The following CTNNA3 variants were observed in gnomAD, a reference collection of about 807,000 sequenced individuals.
The protein encoded by CTNNA3 is catenin alpha-3.
In CTNNA3, 76 loss-of-function variants were observed where a neutral mutation model predicts 95.7. That is an observed-to-expected ratio of 0.79 (90% confidence interval 0.66 to 0.96). CTNNA3 has a LOEUF of 0.96. CTNNA3 is among the 40% of genes least tolerant of loss of function. CTNNA3 has a pLI of 0.00. For synonymous variants in CTNNA3, 431 were observed against 374.4 expected (o/e 1.15, Z -1.74); for missense variants, 1,191 against 1,089.8 (o/e 1.09, Z -1.31).
chr10:66,686,922 T>A (rs1847319232), intron 9 of CTNNA3, among the ~76,000 whole-genome samples: 4 of 152,136 alleles, frequency 2.6e-5, no homozygotes, highest in Admixed American at 2.6e-4. Flanking sequence ...CACAACATAA[T>A]TAGTACCAAC....
intron 7 of CTNNA3, among the ~76,000 whole-genome samples, chr10:66,967,173 T>C (rs1849470295): frequency 6.6e-6 from 1 of 151,944 alleles, no homozygotes; most frequent in African/African-American, 2.4e-5. Context: ...ACGTGAGATT[T>C]TTCTTATGTG....
intron 7 of CTNNA3, among the ~76,000 whole-genome samples, chr10:67,018,192 G>A (rs1481317060): frequency 6.6e-6 from 1 of 152,118 alleles, no homozygotes; most frequent in Non-Finnish European, 1.5e-5. Flanking sequence ...CTATAAATAT[G>A]TACTTTTCTG....
At chr10:67,568,552 G>GAC (rs199833608) in intron 3 of CTNNA3, among the ~76,000 whole-genome samples, 1 of 150,246 alleles carries the variant, frequency 6.7e-6, no homozygotes, top group Non-Finnish European at 1.5e-5. Context: ...TATGCACACA[G>GAC]ACACACACAC....
At chr10:66,768,109 A>C (rs1321524113) in intron 8 of CTNNA3, among the ~76,000 whole-genome samples, 1 of 152,206 alleles carries the variant, frequency 6.6e-6, no homozygotes, top group African/African-American at 2.4e-5. Flanking sequence ...AGGTTGTGTA[A>C]GTTTCAGATA....
chr10:67,693,530 CAG>C (rs1840909465), intron 1 of CTNNA3, among the ~76,000 whole-genome samples: 1 of 152,112 alleles, frequency 6.6e-6, no homozygotes, highest in South Asian at 2.1e-4. Context: ...AACATGCAAA[CAG>C]AAGTTCATGG....
rs537428243 is a variant in CTNNA3 at position 66,162,383 on chromosome 10, T to G, written c.1885-59134A>C. Among the ~76,000 whole-genome samples, 232 of 152,294 alleles carry G rather than the reference T, an allele frequency of 1.5e-3. 2 individuals are homozygous for G. Among genetic ancestry groups the G allele is most frequent in the Middle Eastern group, 3.4e-3 (1 of 294 alleles). ...CTGAAGGCTATTGACCAGATTCTTT[T>G]GTCCCAAGGAATGTTCCTTTGATGT... On this transcript the variant is annotated intron_variant, in intron 13 of 17. Coordinates refer to ENST00000433211, the MANE Select transcript of CTNNA3 (RefSeq NM_013266.4).
chr10:67,714,357 A>C (rs1841130221), intron 1 of CTNNA3, among the ~76,000 whole-genome samples: 1 of 152,252 alleles, frequency 6.6e-6, no homozygotes, highest in Non-Finnish European at 1.5e-5. Flanking sequence ...ACCTGGATGC[A>C]AGACATGGAG....
chr10:67,160,603 ATT>A (rs1861496280), intron 7 of CTNNA3, among the ~76,000 whole-genome samples: 1 of 151,790 alleles, frequency 6.6e-6, no homozygotes, highest in South Asian at 2.1e-4. Context: ...CACCCAGTTA[ATT>A]TTTATATTTT....
chr10:65,973,610 T>C (rs1245414950), intron 16 of CTNNA3, among the ~76,000 whole-genome samples: 2 of 152,112 alleles, frequency 1.3e-5, no homozygotes, highest in Non-Finnish European at 2.9e-5. Context: ...GAAGTTTAAT[T>C]GGCTCGTGGT....
chr10:66,604,114 C>G (rs1169928394), intron 10 of CTNNA3, among the ~76,000 whole-genome samples: 2 of 151,742 alleles, frequency 1.3e-5, no homozygotes, highest in East Asian at 1.9e-4. Context: ...TACTGCATAG[C>G]AAAGAAAACA....
intron 8 of CTNNA3, 67 bp downstream of exon 8, chr10:66,775,377 G>A (rs1259343489): frequency 9.8e-7 from 1 of 1,020,416 alleles, no homozygotes; most frequent in South Asian, 1.5e-5. Context: ...AAACAAATAT[G>A]CCTGCAATGA....
chr10:66,596,228 G>A (rs1456451154), intron 10 of CTNNA3, among the ~76,000 whole-genome samples: 1 of 152,026 alleles, frequency 6.6e-6, no homozygotes. Flanking sequence ...CCACTGGCTG[G>A]TTCATGATGG....
chr10:66,038,860 C>T (rs2079621582), intron 15 of CTNNA3, among the ~76,000 whole-genome samples: 1 of 152,144 alleles, frequency 6.6e-6, no homozygotes, highest in South Asian at 2.1e-4. Flanking sequence ...TCTGTCATCA[C>T]TCCTATTCAA....
At chr10:66,375,834 C>CA (rs2092792928) in intron 12 of CTNNA3, among the ~76,000 whole-genome samples, 1 of 151,958 alleles carries the variant, frequency 6.6e-6, no homozygotes, top group Non-Finnish European at 1.5e-5. Context: ...GCCTTTGAGA[C>CA]AAAAAACATG....
intron 5 of CTNNA3, among the ~76,000 whole-genome samples, chr10:67,319,336 C>T (rs1445386342): frequency 6.6e-6 from 1 of 152,008 alleles, no homozygotes; most frequent in Non-Finnish European, 1.5e-5. Context: ...TGAGTAAAAC[C>T]ATATACAAGT....
chr10:66,495,712 G>T (rs528800618), intron 11 of CTNNA3, among the ~76,000 whole-genome samples: 2 of 152,292 alleles, frequency 1.3e-5, no homozygotes, highest in South Asian at 2.1e-4. Context: ...CTGGAGTGCA[G>T]TGGTGCAGTC....
rs559674456 is a variant in CTNNA3 at position 66,042,683 on chromosome 10, T to G, written c.2159+26625A>C. ...GGGAGGCCGAGGCGGGTGGATCACT[T>G]GACGTCAGGAGTTCGAGACCAGCCT... On this transcript the variant is annotated intron_variant, in intron 15 of 17. Transcript: ENST00000433211. 2.0e-5 allele frequency among the ~76,000 whole-genome samples: 3 copies of G among 151,782 alleles called. 1 individual carries two copies. Among genetic ancestry groups the G allele is most frequent in the African/African-American group, 7.2e-5 (3 of 41,402 alleles).
chr10:66,845,731 T>TAAAAAAAAAAAAAAA (rs1304034179), intron 7 of CTNNA3, among the ~76,000 whole-genome samples: 70 of 35,856 alleles, frequency 2.0e-3, no homozygotes, highest in African/African-American at 2.6e-3. Context: ...AAAAAAAAAC[T>TAAAAAAAAAAAAAAA]AAAAAGGTGA....
intron 7 of CTNNA3, chr10:66,928,379 C>G: frequency 6.2e-7 from 1 of 1,614,168 alleles, no homozygotes; most frequent in African/African-American, 1.3e-5. Context: ...CCCACCAACA[C>G]GGAGACCAGC....
Sources: allele counts gnomAD v4.1 joint callset (sites outside exome capture counted in the v4.1 genomes callset), GRCh38; gene constraint gnomAD v4.1.1; transcripts MANE v1.5; gene names NCBI Gene and HGNC (gene_info 2026-07-23, HGNC 2026-07-21).